CWC22: variants seen among roughly 807,000 people sequenced by gnomAD.
CWC22 encodes pre-mRNA-splicing factor CWC22 homolog.
Under a neutral mutation model 117.2 loss-of-function variants are expected in CWC22, and 53 were observed. The ratio of observed to expected loss-of-function variants is 0.45; its 90% CI spans 0.36 to 0.57. The LOEUF is 0.57. CWC22 is among the 20% of genes least tolerant of loss of function. The pLI is 0.00. For missense variants in CWC22, 980 were observed against 1,068.8 expected (o/e 0.92, Z 1.16); for synonymous variants, 360 against 355.6 (o/e 1.01, Z -0.14).
At chr2:179,973,546 G>A in intron 7 of CWC22, 88 bp downstream of exon 7, 1 of 855,662 alleles carries the variant, frequency 1.2e-6, no homozygotes, top group East Asian at 2.7e-5. Context: ...ATGTAGCTGT[G>A]TCAAAATCAA....
chr2:179,974,062 T>G (rs1687096347), intron 6 of CWC22, among the ~76,000 whole-genome samples: 1 of 152,192 alleles, frequency 6.6e-6, no homozygotes, highest in Admixed American at 6.5e-5. Context: ...ATAATTCCTC[T>G]TTTCCCAGTC....
intron 16 of CWC22, among the ~76,000 whole-genome samples, chr2:179,953,668 C>A (rs1313996520): frequency 6.6e-6 from 1 of 152,094 alleles, no homozygotes; most frequent in Non-Finnish European, 1.5e-5. Flanking sequence ...CAATCCAGTG[C>A]ACATTTCCCT....
chr2:179,970,094 G>A (rs1040900764), intron 11 of CWC22, among the ~76,000 whole-genome samples: 1 of 152,110 alleles, frequency 6.6e-6, no homozygotes, highest in African/African-American at 2.4e-5. Context: ...CATCCTACCA[G>A]AAGGATATTA....
chr2:179,991,968 A>G (rs986559345), intron 2 of CWC22, among the ~76,000 whole-genome samples: 1 of 152,200 alleles, frequency 6.6e-6, no homozygotes, highest in African/African-American at 2.4e-5. Flanking sequence ...CACACTTGAC[A>G]GAGGTTGGAA....
intron 5 of CWC22, among the ~76,000 whole-genome samples, chr2:179,980,791 C>T (rs1443827982): frequency 1.3e-5 from 2 of 152,186 alleles, no homozygotes; most frequent in East Asian, 3.8e-4. Flanking sequence ...TCCTGTCTGG[C>T]TCACCTTGCA....
chr2:179,993,177 T>C, intron 2 of CWC22, 138 bp downstream of exon 2: 1 of 642,236 alleles, frequency 1.6e-6, no homozygotes, highest in Non-Finnish European at 2.7e-6. Context: ...TTGCAAAAAC[T>C]GCAATTACTT....
intron 11 of CWC22, among the ~76,000 whole-genome samples, chr2:179,966,864 CTTTATA>C (rs1686904148): frequency 6.6e-6 from 1 of 152,100 alleles, no homozygotes; most frequent in Non-Finnish European, 1.5e-5. Flanking sequence ...ATTCTAATTT[CTTTATA>C]TTTAAGCAGT....
chr2:179,965,835 TTA>T, intron 12 of CWC22, 41 bp downstream of exon 12: 1 of 1,294,860 alleles, frequency 7.7e-7, no homozygotes, highest in Non-Finnish European at 1.1e-6. Flanking sequence ...AGAATTAATT[TTA>T]GAGTATCTTA....
Position 179,967,220 on chromosome 2 carries a change from C to G in CWC22, c.1211-1238G>C, listed in dbSNP as rs1686913808. On this transcript the variant is annotated intron_variant, in intron 11 of 19. Transcript: ENST00000410053. Reference sequence around the variant, plus strand: ...AAGCTGTGCCCACTTCCTGCTGGGGCCATTTTTTTATGCCAGCTCTAGAAG... The same window carrying G: ...AAGCTGTGCCCACTTCCTGCTGGGGGCATTTTTTTATGCCAGCTCTAGAAG... Among the ~76,000 whole-genome samples, 3 of 152,234 alleles carry G rather than the reference C, an allele frequency of 2.0e-5. No individual in the cohort carries two copies. In the South Asian group the frequency reaches 6.2e-4, roughly 32 times the overall value.
Position 179,973,219 on chromosome 2 carries a change from C to T in CWC22, c.778G>A (p.Val260Met). 1 of 1,602,032 alleles carries T rather than the reference C, an allele frequency of 6.2e-7. No homozygotes were observed. The highest frequency in any genetic ancestry group is 1.3e-5 in the African/African-American group (1 of 74,814). The change falls in exon 8 of 20, where the codon GTG (valine) becomes ATG (methionine). Residue 260 changes from valine (V) to methionine (M), a missense_variant. Physicochemically the swap from Val to Met is conservative, Grantham distance 21. This residue lies in a region of CWC22 where 559 missense variants were observed against 602.3 expected (regional missense o/e 0.93). Transcript: ENST00000410053. ...ACATTTTGGTTAATAAGATGCGCCACAAATTTTGAAGCAGTCAGGCAAAGT... is the reference window on the plus strand; with the variant it reads ...ACATTTTGGTTAATAAGATGCGCCATAAATTTTGAAGCAGTCAGGCAAAGT... ...KQLCLTASKFVAHLINQNVAH... is the reference protein window; with the variant it reads ...KQLCLTASKFMAHLINQNVAH...
chr2:179,974,265 T>C (rs1453399699), intron 6 of CWC22, among the ~76,000 whole-genome samples: 1 of 152,222 alleles, frequency 6.6e-6, no homozygotes, highest in Non-Finnish European at 1.5e-5. Context: ...TTTAAATCTT[T>C]AAGTCTAATT....
chr2:179,951,068 T>C, intron 17 of CWC22, 142 bp from the exon 18 acceptor site: 1 of 592,802 alleles, frequency 1.7e-6, no homozygotes, highest in East Asian at 2.9e-5. Flanking sequence ...ATTTATTAGG[T>C]TAGGCTACGT....
At chr2:179,986,561 T>A in intron 4 of CWC22, 134 bp downstream of exon 4, 1 of 535,264 alleles carries the variant, frequency 1.9e-6, no homozygotes, top group Non-Finnish European at 3.3e-6. Flanking sequence ...TATAAAGCCC[T>A]TATTAGAAAG....
At chr2:179,973,345 A>C in intron 7 of CWC22, 99 bp from the exon 8 acceptor site, 2 of 783,694 alleles carry the variant, frequency 2.6e-6, no homozygotes, top group Non-Finnish European at 4.2e-6. Context: ...TAAAACATGT[A>C]CCACACAAGT....
rs749481246 is a variant in CWC22, at chr2:179,970,692, T to C, written c.1105A>G (p.Met369Val). Residue 369 changes from methionine to valine, a missense_variant, in exon 10 of 20, where the codon ATG (methionine) becomes GTG (valine). Met to Val is a conservative substitution (Grantham distance 21, BLOSUM62 1). Coordinates refer to ENST00000410053, the MANE Select transcript of CWC22 (RefSeq NM_020943.3). ...TTATAGTCATCCTCCAGAGGGAGCA[T>C]ATGAGTGAATTGATCATCTTCTTCC... ...LVEEDDQFTHMLPLEDDYNPE... is the reference protein window; with the variant it reads ...LVEEDDQFTHVLPLEDDYNPE... 2 of 1,613,570 alleles carry C rather than the reference T, an allele frequency of 1.2e-6. No homozygotes were observed. The highest frequency in any genetic ancestry group is 3.3e-5 in the Admixed American group (2 of 59,972).
At chr2:179,950,119 C>T (rs1686407052) in intron 19 of CWC22, among the ~76,000 whole-genome samples, 1 of 151,954 alleles carries the variant, frequency 6.6e-6, no homozygotes, top group African/African-American at 2.4e-5. Flanking sequence ...ATCTGAGATC[C>T]ACAATGAATG....
Position 179,990,020 on chromosome 2 carries a change from G to C in CWC22, c.28-1376C>G, listed in dbSNP as rs1687520917. Among the ~76,000 whole-genome samples, 3 of 152,078 alleles carry C rather than the reference G, an allele frequency of 2.0e-5. No homozygotes were observed. In the South Asian group the frequency reaches 6.2e-4, roughly 31 times the overall value. ...TGATTTTATGACTATCTAATTAACAGCAGTTTGAGTCTAACATAATCACAA... is the reference window on the plus strand; with the variant it reads ...TGATTTTATGACTATCTAATTAACACCAGTTTGAGTCTAACATAATCACAA... On this transcript the variant is annotated intron_variant, in intron 2 of 19. Coordinates refer to ENST00000410053, the MANE Select transcript of CWC22 (RefSeq NM_020943.3).
Position 179,981,822 on chromosome 2 carries a change from G to A in CWC22, c.382C>T (p.Arg128Cys), listed in dbSNP as rs371119874. 16 of 1,613,724 alleles carry A rather than the reference G, an allele frequency of 9.9e-6. No individual in the cohort carries two copies. The highest frequency in any genetic ancestry group is 5.9e-6 in the Non-Finnish European group (7 of 1,179,850). Reference sequence around the variant, plus strand: ...GGGGGAATATATGCTCCACCAGTGCGAGTAAGAAGAGGATCCAGCTCATCT... The same window carrying A: ...GGGGGAATATATGCTCCACCAGTGCAAGTAAGAAGAGGATCCAGCTCATCT... ...KKDELDPLLT[R>C]TGGAYIPPAK... is the part of the protein sequence containing the mutation. The change falls in exon 5 of 20, where the codon CGC becomes TGC. Residue 128 changes from arginine (R) to cysteine (C), a missense_variant. This residue lies in a region of CWC22 where 559 missense variants were observed against 602.3 expected (regional missense o/e 0.93). Coordinates refer to ENST00000410053, the MANE Select transcript of CWC22 (RefSeq NM_020943.3).
At chr2:179,970,363 G>A in intron 11 of CWC22, 138 bp downstream of exon 11, 1 of 947,996 alleles carries the variant, frequency 1.1e-6, no homozygotes. Flanking sequence ...AATGCCCGAG[G>A]AAACAGCTAA....
Sources: allele counts gnomAD v4.1 joint callset (sites outside exome capture counted in the v4.1 genomes callset), GRCh38; gene constraint gnomAD v4.1.1; regional missense constraint gnomAD v4.1.1; transcripts MANE v1.5; gene names NCBI Gene and HGNC (gene_info 2026-07-23, HGNC 2026-07-21).